The following C14orf132 variants were observed in gnomAD, a reference collection of about 807,000 sequenced individuals.
C14orf132 encodes chromosome 14 open reading frame 132, also known as uncharacterized protein C14orf132.
C14orf132 carries 6 observed loss-of-function variants against 5.8 expected under a neutral mutation model. The ratio of observed to expected loss-of-function variants is 1.03; its 90% CI spans 0.57 to 2.04. The LOEUF (loss-of-function observed/expected upper bound fraction) is 2.04, where lower values mean the gene tolerates loss of function less well. C14orf132 is among the 30% of genes most tolerant of loss of function. The pLI is 0.00. For missense variants in C14orf132, 125 were observed against 115.8 expected, an observed-to-expected ratio of 1.08 and a Z score of -0.37; for synonymous variants, 51 against 49.8, an observed-to-expected ratio of 1.02 and a Z score of -0.10.
chr14:96,072,994 G>A (rs184531974), intron 1 of C14orf132, among the ~76,000 whole-genome samples: 2 of 152,300 alleles, frequency 1.3e-5, no homozygotes, highest in Admixed American at 6.5e-5. Flanking sequence ...GGGTAAATAC[G>A]TAGGAGTGGG....
intron 1 of C14orf132, among the ~76,000 whole-genome samples, chr14:96,073,945 C>T (rs1016322215): frequency 2.0e-5 from 3 of 152,164 alleles, no homozygotes; most frequent in African/African-American, 7.2e-5. Flanking sequence ...AAACAGAAAA[C>T]CAAGCACTGA....
At chr14:96,078,543 T>C (rs1887941250) in intron 1 of C14orf132, among the ~76,000 whole-genome samples, 1 of 152,222 alleles carries the variant, frequency 6.6e-6, no homozygotes, top group African/African-American at 2.4e-5. Context: ...GGAGCTTGCC[T>C]GGGCTTACTC....
intron 1 of C14orf132, among the ~76,000 whole-genome samples, chr14:96,044,929 G>A (rs1025146897): frequency 1.6e-4 from 24 of 152,192 alleles, no homozygotes; most frequent in Admixed American, 1.2e-3. Flanking sequence ...CCCAGGATTA[G>A]AACTTCATTC....
At chr14:96,059,744 T>C (rs762715096) in intron 1 of C14orf132, among the ~76,000 whole-genome samples, 15 of 152,224 alleles carry the variant, frequency 9.9e-5, no homozygotes, top group Non-Finnish European at 4.4e-5. Context: ...CCTGGACGAC[T>C]GCAGGTGCTT....
chr14:96,042,273 G>A (rs2139638287), intron 1 of C14orf132, among the ~76,000 whole-genome samples: 1 of 152,338 alleles, frequency 6.6e-6, no homozygotes, highest in African/African-American at 2.4e-5. Flanking sequence ...GGGAGACAGA[G>A]GCCAGGGCCA....
At chr14:96,070,006 C>G (rs1476476552) in intron 1 of C14orf132, among the ~76,000 whole-genome samples, 4 of 152,192 alleles carry the variant, frequency 2.6e-5, no homozygotes, top group Non-Finnish European at 4.4e-5. Context: ...GTCCTGCTTC[C>G]ACTTAATATT....
intron 1 of C14orf132, among the ~76,000 whole-genome samples, chr14:96,083,045 C>T (rs1595192113): frequency 6.6e-6 from 1 of 152,332 alleles, no homozygotes; most frequent in African/African-American, 2.4e-5. Context: ...TGACCATCCT[C>T]TTTGGCAGTT....
intron 1 of C14orf132, among the ~76,000 whole-genome samples, chr14:96,049,237 T>G (rs886489419): frequency 1.3e-5 from 2 of 152,180 alleles, no homozygotes; most frequent in African/African-American, 4.8e-5. Context: ...TATAAACATC[T>G]GTGTTCAGGT....
intron 1 of C14orf132, among the ~76,000 whole-genome samples, chr14:96,067,698 TA>T (rs751845099): frequency 0.022 from 3,004 of 135,562 alleles, 76 homozygotes; most frequent in African/African-American, 0.061. Flanking sequence ...AAACTCCGCC[TA>T]AAAAAAAAAA....
intron 1 of C14orf132, among the ~76,000 whole-genome samples, chr14:96,047,694 G>A (rs1157579896): frequency 6.6e-6 from 1 of 152,188 alleles, no homozygotes; most frequent in Admixed American, 6.5e-5. Flanking sequence ...TCAAACACAG[G>A]TCTCTGCATC....
rs560453173 is a variant in C14orf132 at position 96,060,767 on chromosome 14, T to C, written c.27+21240T>C. Among the ~76,000 whole-genome samples, 270 of 152,258 alleles carry C rather than the reference T, an allele frequency of 1.8e-3. 2 individuals are homozygous for C. Among genetic ancestry groups the C allele is most frequent in the African/African-American group, 5.9e-3 (246 of 41,552 alleles). ...CCAGTGCCAGGGACTCAGCCCAGCA[T>C]CAGCAAATCCAGCAAACACATCTGT... On this transcript the variant is annotated intron_variant, in intron 1 of 1. Transcript: ENST00000555004.
chr14:96,069,147 C>A (rs2181643), intron 1 of C14orf132, among the ~76,000 whole-genome samples: 115,176 of 144,038 alleles, frequency 0.8, 46,545 homozygotes, highest in East Asian at 0.97. Context: ...GTGTAAGCCA[C>A]TTCCTCATAA....
At chr14:96,048,942 T>G (rs886932799) in intron 1 of C14orf132, among the ~76,000 whole-genome samples, 1 of 152,252 alleles carries the variant, frequency 6.6e-6, no homozygotes, top group Admixed American at 6.5e-5. Context: ...CTTTTCTTTT[T>G]GAGATGGAGT....
chr14:96,086,758 A>G lies in C14orf132; in HGVS notation c.*23A>G, dbSNP rs1286170666. ...TGAGGACGGCACACCCTGCACCACC[A>G]TGGGGTGAGGCTTGGCACGTAGCTC... On this transcript the variant is annotated 3_prime_UTR_variant, in exon 2 of 2. Coordinates refer to ENST00000555004, the MANE Select transcript of C14orf132 (RefSeq NM_001252507.3). 2 of 1,532,478 alleles carry G rather than the reference A, an allele frequency of 1.3e-6. No homozygotes were observed. The highest frequency in any genetic ancestry group is 1.2e-5 in the South Asian group (1 of 83,934). The allele number at this position is 1,532,478 out of a possible 1,614,324, so 94.9% of individuals were successfully genotyped here.
chr14:96,079,633 ATGGT>A (rs1302655988), intron 1 of C14orf132, among the ~76,000 whole-genome samples: 1 of 151,912 alleles, frequency 6.6e-6, no homozygotes, highest in Non-Finnish European at 1.5e-5. Flanking sequence ...GGATGGATGG[ATGGT>A]ATTCAAATCT....
intron 1 of C14orf132, among the ~76,000 whole-genome samples, chr14:96,045,292 A>G (rs984236779): frequency 2.6e-5 from 4 of 152,182 alleles, no homozygotes; most frequent in African/African-American, 9.7e-5. Flanking sequence ...TTTGACTTGA[A>G]CTGAGTTTGA....
intron 1 of C14orf132, among the ~76,000 whole-genome samples, chr14:96,050,814 G>A (rs759424545): frequency 6.6e-6 from 1 of 151,922 alleles, no homozygotes; most frequent in Non-Finnish European, 1.5e-5. Context: ...TCTGATGTCC[G>A]GTGTCTTGAA....
chr14:96,059,980 G>C (rs1225888676), intron 1 of C14orf132, among the ~76,000 whole-genome samples: 1 of 152,208 alleles, frequency 6.6e-6, no homozygotes, highest in Non-Finnish European at 1.5e-5. Context: ...GACACATGCA[G>C]CTCCCCATAG....
chr14:96,039,556 G>C lies in C14orf132; in HGVS notation c.27+29G>C. ...ACGGGGCGTCCCCCCCACGCGCCCC[G>C]GGCCGCCAAGTTTGGGGAGGTTCGG... is the stretch of plus-strand genomic sequence containing the variant. On this transcript the variant is annotated intron_variant, in intron 1 of 1. Coordinates refer to ENST00000555004, the MANE Select transcript of C14orf132 (RefSeq NM_001252507.3). This position sits in a 1 kb window ranked among gnomAD's most constrained non-coding sequence, Gnocchi z 5.3. 6.7e-7 allele frequency: 1 copy of C among 1,495,458 alleles called. No homozygotes were observed. The highest frequency in any genetic ancestry group is 1.4e-5 in the African/African-American group (1 of 69,828). The allele number at this position is 1,495,458 out of a possible 1,614,324, so 92.6% of individuals were successfully genotyped here.
Sources: gnomAD v4.1 joint callset for allele counts (sites outside exome capture counted in the v4.1 genomes callset) on GRCh38, gnomAD v4.1.1 for gene constraint, Gnocchi (gnomAD v3.1) non-coding constraint, MANE v1.5 for transcripts, NCBI Gene and HGNC (gene_info 2026-07-23, HGNC 2026-07-21) for gene names.